KCNMA1: variants seen among roughly 807,000 people sequenced by gnomAD.
The protein encoded by KCNMA1 is potassium calcium-activated channel subfamily M alpha 1.
KCNMA1 carries 29 observed loss-of-function variants against 140.0 expected under a neutral mutation model. The observed-to-expected ratio is 0.21, with a 90% CI of 0.15 to 0.28. The LOEUF is 0.28. Ranked by LOEUF, KCNMA1 falls within the 10% of genes least tolerant of loss-of-function variation. KCNMA1 has a pLI of 1.00. For synonymous variants in KCNMA1, 612 were observed against 611.9 expected (o/e 1.00, Z 0.00); for missense variants, 880 against 1,602.2 (o/e 0.55, Z 7.70).
At chr10:77,303,064 T>C (rs1283473932) in intron 2 of KCNMA1, among the ~76,000 whole-genome samples, 2 of 152,074 alleles carry the variant, frequency 1.3e-5, no homozygotes, top group Non-Finnish European at 2.9e-5. Context: ...ATTACTAACC[T>C]CTCTGGCCTC....
intron 2 of KCNMA1, among the ~76,000 whole-genome samples, chr10:77,285,518 G>A (rs2070479555): frequency 6.6e-6 from 1 of 152,192 alleles, no homozygotes; most frequent in South Asian, 2.1e-4. Flanking sequence ...TGAAAATTAA[G>A]ATGTTACATA....
chr10:77,088,835 G>T (rs903431852), intron 10 of KCNMA1, among the ~76,000 whole-genome samples: 2 of 152,180 alleles, frequency 1.3e-5, no homozygotes, highest in Admixed American at 6.5e-5. Flanking sequence ...TCAGAAGCCT[G>T]CCCGGGTAAT....
At chr10:76,993,917 G>A (rs1473418285) in intron 19 of KCNMA1, among the ~76,000 whole-genome samples, 2 of 152,154 alleles carry the variant, frequency 1.3e-5, no homozygotes, top group Non-Finnish European at 2.9e-5. Flanking sequence ...TGTGCAGGAG[G>A]CCCCCCCAGG....
intron 5 of KCNMA1, among the ~76,000 whole-genome samples, chr10:77,158,060 G>A (rs1298656923): frequency 6.6e-6 from 1 of 152,162 alleles, no homozygotes; most frequent in African/African-American, 2.4e-5. Context: ...ATACAATGAG[G>A]TGATCAGATC....
chr10:77,164,458 A>G (rs562334020), intron 5 of KCNMA1, among the ~76,000 whole-genome samples: 78 of 152,024 alleles, frequency 5.1e-4, no homozygotes, highest in Non-Finnish European at 4.4e-4. Flanking sequence ...CTATTTTAAA[A>G]CACAGACACA....
At chr10:77,215,644 T>C (rs1598943052) in intron 3 of KCNMA1, among the ~76,000 whole-genome samples, 2 of 152,140 alleles carry the variant, frequency 1.3e-5, no homozygotes, top group Non-Finnish European at 2.9e-5. Flanking sequence ...TGAAAGCTAC[T>C]CAAAAAGTTA....
chr10:76,950,843 C>T (rs529016209), intron 21 of KCNMA1, among the ~76,000 whole-genome samples: 13 of 152,248 alleles, frequency 8.5e-5, no homozygotes, highest in Middle Eastern at 6.8e-3. Context: ...CCAGGGAAAC[C>T]GGAGACATAA....
chr10:77,505,857 C>T (rs2045610267), intron 1 of KCNMA1, among the ~76,000 whole-genome samples: 1 of 152,164 alleles, frequency 6.6e-6, no homozygotes, highest in Admixed American at 6.5e-5. Context: ...AGATGTATGA[C>T]TAATCAGAAA....
chr10:76,925,131 T>C (rs2057281580), intron 23 of KCNMA1, among the ~76,000 whole-genome samples: 1 of 152,230 alleles, frequency 6.6e-6, no homozygotes. Flanking sequence ...TATTTTAAAA[T>C]GTATGAATTA....
intron 15 of KCNMA1, among the ~76,000 whole-genome samples, chr10:77,033,738 C>G (rs2094118207): frequency 6.6e-6 from 1 of 152,136 alleles, no homozygotes; most frequent in Admixed American, 6.6e-5. Flanking sequence ...CCACCACTGC[C>G]TCAGTAGCCT....
chr10:76,975,047 A>G (rs1009817083), intron 19 of KCNMA1, among the ~76,000 whole-genome samples: 6 of 152,162 alleles, frequency 3.9e-5, no homozygotes, highest in African/African-American at 1.4e-4. Context: ...ATCAGTGCCT[A>G]ACATTAAATG....
intron 1 of KCNMA1, among the ~76,000 whole-genome samples, chr10:77,617,905 A>G (rs1484410506): frequency 6.6e-6 from 1 of 152,092 alleles, no homozygotes; most frequent in Non-Finnish European, 1.5e-5. Context: ...GAGCCCCTTC[A>G]GCAGTCCAGG....
At chr10:77,538,429 G>A (rs910185149) in intron 1 of KCNMA1, among the ~76,000 whole-genome samples, 19 of 152,032 alleles carry the variant, frequency 1.2e-4, no homozygotes, top group East Asian at 1.9e-4. Context: ...CCCCAAACCC[G>A]CTTTGTCTGG....
At chr10:77,237,397 G>C (rs1305601296) in intron 3 of KCNMA1, among the ~76,000 whole-genome samples, 1 of 152,174 alleles carries the variant, frequency 6.6e-6, no homozygotes, top group Non-Finnish European at 1.5e-5. Context: ...AGCCAAGAAG[G>C]TCTGGTCTGA....
At chr10:77,572,569 CATATATATATATATATATATATATATAT>C (rs56706119) in intron 1 of KCNMA1, among the ~76,000 whole-genome samples, 1 of 37,568 alleles carries the variant, frequency 2.7e-5, no homozygotes, top group Non-Finnish European at 4.7e-5. Context: ...AAAAAAAATC[CATATATATATATATATATATATATATAT>C]ATATATAAAT....
chr10:77,378,967 G>C (rs536220135), intron 2 of KCNMA1, among the ~76,000 whole-genome samples: 2 of 152,058 alleles, frequency 1.3e-5, no homozygotes, highest in East Asian at 1.9e-4. Flanking sequence ...CTACATGTAC[G>C]CTCATTTTCA....
At chr10:77,249,370 C>T (rs1239039099) in intron 3 of KCNMA1, 1 of 151,932 alleles carries the variant, frequency 6.6e-6, no homozygotes, top group African/African-American at 2.4e-5. Context: ...CAGAGAACAC[C>T]AGGATCTACA....
intron 18 of KCNMA1, among the ~76,000 whole-genome samples, chr10:77,007,541 CAATA>C (rs1356587040): frequency 6.6e-6 from 1 of 151,244 alleles, no homozygotes; most frequent in Non-Finnish European, 1.5e-5. Flanking sequence ...GCATGTACTG[CAATA>C]AATACATCAC....
At chr10:77,154,386 T>C (rs1597369632) in intron 5 of KCNMA1, among the ~76,000 whole-genome samples, 1 of 152,348 alleles carries the variant, frequency 6.6e-6, no homozygotes, top group Non-Finnish European at 1.5e-5. Context: ...CATCCAGCAC[T>C]GTGCAGCCAC....
Sources: allele counts gnomAD v4.1 joint callset (sites outside exome capture counted in the v4.1 genomes callset), GRCh38; gene constraint gnomAD v4.1.1; transcripts MANE v1.5; gene names NCBI Gene and HGNC (gene_info 2026-07-23, HGNC 2026-07-21).